Variants in AGK observed in about 807,000 individuals in gnomAD.
AGK encodes the protein acylglycerol kinase, mitochondrial.
A neutral mutation model predicts 66.4 loss-of-function variants in AGK; 52 were observed. The observed-to-expected ratio is 0.78, with a 90% confidence interval of 0.63 to 0.99. AGK has a LOEUF of 0.99. AGK is among the 50% of genes least tolerant of loss of function. The probability of loss-of-function intolerance (pLI) is 0.00; values close to 1 mark genes in which losing one functional copy is unlikely to be tolerated. For synonymous variants in AGK, 182 were observed against 181.1 expected (o/e 1.00, Z -0.04); for missense variants, 451 against 506.6 (o/e 0.89, Z 1.05).
chr7:141,646,534 G>C (rs1797417084), intron 13 of AGK, among the ~76,000 whole-genome samples: 1 of 152,138 alleles, frequency 6.6e-6, no homozygotes, highest in Non-Finnish European at 1.5e-5. Flanking sequence ...TTTCTTTCTA[G>C]GTAACTTAAT....
chr7:141,632,195 C>G (rs1797071710), intron 9 of AGK, among the ~76,000 whole-genome samples: 1 of 151,074 alleles, frequency 6.6e-6, no homozygotes, highest in Non-Finnish European at 1.5e-5. Flanking sequence ...CGTGCCACTG[C>G]ACTCCAGCCT....
intron 11 of AGK, 42 bp from the exon 12 acceptor site, chr7:141,641,206 T>A: frequency 6.3e-7 from 1 of 1,575,316 alleles, no homozygotes; most frequent in Non-Finnish European, 8.6e-7. Flanking sequence ...CAGAGTGGAA[T>A]TGTACATGCA....
intron 2 of AGK, among the ~76,000 whole-genome samples, chr7:141,558,776 C>T (rs1482344604): frequency 6.6e-6 from 1 of 152,136 alleles, no homozygotes; most frequent in African/African-American, 2.4e-5. Context: ...TCTCCACGCC[C>T]TCATCAACAC....
intron 2 of AGK, among the ~76,000 whole-genome samples, chr7:141,565,131 C>T (rs115526908): frequency 0.011 from 1,624 of 152,238 alleles, 22 homozygotes; most frequent in African/African-American, 0.037. Flanking sequence ...CCTGCATGAT[C>T]TAATCACTCA....
rs746403177 is a variant in AGK at position 141,641,896 on chromosome 7, G to C, written c.963G>C (p.Gln321His). The C allele has an allele frequency of 3.8e-6, 6 of 1,577,794 alleles. No individual in the cohort carries two copies. The Admixed American group carries it at 1.1e-4, about 29-fold the overall frequency. The stretch of plus-strand genomic sequence containing the variant: ...TGTCCATCACAACACGGAATAATCA[G>C]CTTGACCCGACAGTAAGTGTGCTTT... ...IELSITTRNN[Q>H]LDPTSKEDFL... Residue 321 changes from glutamine (Q) to histidine (H), a missense_variant, in exon 13 of 16, where the codon CAG becomes CAC. Physicochemically the swap from Gln to His is conservative, Grantham distance 24. Transcript: ENST00000649286.
At chr7:141,596,064 G>A (rs1479966135) in intron 3 of AGK, among the ~76,000 whole-genome samples, 2 of 152,162 alleles carry the variant, frequency 1.3e-5, no homozygotes, top group Non-Finnish European at 2.9e-5. Flanking sequence ...CTGCTATTTA[G>A]TTATCATACA....
intron 1 of AGK, among the ~76,000 whole-genome samples, chr7:141,551,775 C>G (rs1795092651): frequency 6.6e-6 from 1 of 152,126 alleles, no homozygotes; most frequent in African/African-American, 2.4e-5. Context: ...TAGCCCTTTG[C>G]AAAATGGGGC....
rs1474401191 is a variant in AGK at position 141,654,479 on chromosome 7, A to G, written c.*1555A>G. 6.6e-6 allele frequency: 1 copy of G among 152,244 alleles called. No homozygotes were observed. Among genetic ancestry groups the G allele is most frequent in the Non-Finnish European group, 1.5e-5 (1 of 68,050 alleles). The allele number at this position is 152,244 out of a possible 1,614,324, so 9.4% of individuals were successfully genotyped here. ...CAGTGCTCTATCATCAAGAATTATT[A>G]ATGATGATCTATCAACTAACAAACA... On this transcript the variant is annotated 3_prime_UTR_variant, in exon 16 of 16. Coordinates refer to ENST00000649286, the MANE Select transcript of AGK (RefSeq NM_018238.4).
At chr7:141,644,834 A>G (rs763846604) in intron 13 of AGK, among the ~76,000 whole-genome samples, 14 of 152,126 alleles carry the variant, frequency 9.2e-5, no homozygotes, top group Non-Finnish European at 1.6e-4. Context: ...AGCGCCATTT[A>G]TTGAAATCTC....
At chr7:141,629,120 T>C (rs886929992) in intron 9 of AGK, among the ~76,000 whole-genome samples, 1 of 152,196 alleles carries the variant, frequency 6.6e-6, no homozygotes, top group Non-Finnish European at 1.5e-5. Context: ...TTGAAGCTGC[T>C]TCAGAACTCC....
At chr7:141,639,615 T>A (rs1430119840) in intron 11 of AGK, among the ~76,000 whole-genome samples, 1 of 152,176 alleles carries the variant, frequency 6.6e-6, no homozygotes, top group Admixed American at 6.5e-5. Flanking sequence ...CTGATGTCCC[T>A]GATATTCTCA....
chr7:141,562,567 G>A (rs1795373251), intron 2 of AGK, among the ~76,000 whole-genome samples: 1 of 152,146 alleles, frequency 6.6e-6, no homozygotes, highest in South Asian at 2.1e-4. Flanking sequence ...TCAGGCCAGT[G>A]GGGTTATGTT....
intron 6 of AGK, among the ~76,000 whole-genome samples, chr7:141,611,759 C>T (rs1402170753): frequency 3.9e-5 from 6 of 152,132 alleles, no homozygotes. Flanking sequence ...CATGCATCTG[C>T]TTTTGTTTTA....
chr7:141,640,254 G>A (rs1161831630), intron 11 of AGK, among the ~76,000 whole-genome samples: 3 of 152,086 alleles, frequency 2.0e-5, no homozygotes, highest in Non-Finnish European at 4.4e-5. Flanking sequence ...CATTGAAACA[G>A]CTCCTTCAGG....
chr7:141,645,219 T>A (rs1425519051), intron 13 of AGK, among the ~76,000 whole-genome samples: 1 of 152,160 alleles, frequency 6.6e-6, no homozygotes, highest in Non-Finnish European at 1.5e-5. Context: ...AGGTCTTCAA[T>A]GTCTTTCAAT....
chr7:141,640,840 G>A (rs943714918), intron 11 of AGK, among the ~76,000 whole-genome samples: 7 of 152,188 alleles, frequency 4.6e-5, no homozygotes, highest in African/African-American at 1.7e-4. Context: ...AACCATTCTG[G>A]CCTGTGTGTG....
At chr7:141,580,315 T>G (rs982493570) in intron 2 of AGK, among the ~76,000 whole-genome samples, 1 of 152,056 alleles carries the variant, frequency 6.6e-6, no homozygotes, top group Middle Eastern at 3.4e-3. Flanking sequence ...TACTATAGCA[T>G]AGCCTGCCTT....
chr7:141,634,021 A>C, intron 10 of AGK, 41 bp downstream of exon 10: 1 of 1,531,118 alleles, frequency 6.5e-7, no homozygotes, highest in Non-Finnish European at 9.1e-7. Flanking sequence ...TTTTTAAAAA[A>C]ATCTTATTCT....
chr7:141,577,884 T>G (rs954524394), intron 2 of AGK, among the ~76,000 whole-genome samples: 1 of 151,322 alleles, frequency 6.6e-6, no homozygotes, highest in Non-Finnish European at 1.5e-5. Flanking sequence ...AGTGGTGTGA[T>G]CTCTGCTCAC....
Sources: gnomAD v4.1 joint callset for allele counts (sites outside exome capture counted in the v4.1 genomes callset) on GRCh38, gnomAD v4.1.1 for gene constraint, MANE v1.5 for transcripts, NCBI Gene and HGNC (gene_info 2026-07-23, HGNC 2026-07-21) for gene names.